IGSF10: variants seen among roughly 807,000 people sequenced by gnomAD.
The protein encoded by IGSF10 is immunoglobulin superfamily member 10.
IGSF10 carries 126 observed loss-of-function variants against 128.2 expected under a neutral mutation model. That is an observed-to-expected ratio of 0.98 (90% CI 0.85 to 1.14). The LOEUF is 1.14. IGSF10 is among the 50% of genes most tolerant of loss of function. The pLI, the probability that IGSF10 is intolerant of heterozygous loss-of-function variation, is 0.00. For missense variants in IGSF10, 3,295 were observed against 3,149.8 expected (o/e 1.05, Z -1.10); for synonymous variants, 1,185 against 1,146.2 (o/e 1.03, Z -0.68).
the IGSF10 span, among the ~76,000 whole-genome samples, chr3:151,594,491 G>A: frequency 2.0e-5 from 3 of 151,644 alleles, no homozygotes; most frequent in Non-Finnish European, 2.9e-5. Context: ...CCGCCACCAC[G>A]CCCAGCTAAT....
chr3:151,447,766 C>T lies in IGSF10; in HGVS notation c.2215G>A (p.Glu739Lys). 1.2e-6 allele frequency: 2 copies of T among 1,614,116 alleles called. No homozygotes were observed. The highest frequency in any genetic ancestry group is 1.7e-6 in the Non-Finnish European group (2 of 1,180,034). The change falls in exon 6 of 8, where the codon GAG (glutamate) becomes AAG (lysine). Residue 739 changes from glutamate (E) to lysine (K), a missense_variant. Glu to Lys is a moderately conservative substitution (Grantham distance 56, BLOSUM62 1). Transcript: ENST00000282466. Reference protein sequence around the residue: ...RGDSTHRRFRENRRHFPPSAR... With the variant: ...RGDSTHRRFRKNRRHFPPSAR... Reference sequence around the variant, plus strand: ...GAGGGAGGGAAATGCCTCCTATTCTCCCTAAAACGTCGATGTGTTGAATCT... The same window carrying T: ...GAGGGAGGGAAATGCCTCCTATTCTTCCTAAAACGTCGATGTGTTGAATCT...
chr3:151,548,535 T>C, the IGSF10 span, among the ~76,000 whole-genome samples: 14 of 152,218 alleles, frequency 9.2e-5, no homozygotes, highest in Non-Finnish European at 1.8e-4. Context: ...TGCATGACAC[T>C]AATGACTGGA....
chr3:151,508,602 T>C, the IGSF10 span, among the ~76,000 whole-genome samples: 1 of 152,208 alleles, frequency 6.6e-6, no homozygotes, highest in Admixed American at 6.5e-5. Context: ...TGTTTTACAG[T>C]GATCTGTGAT....
chr3:151,534,796 A>AGTGT, the IGSF10 span, among the ~76,000 whole-genome samples: 2,140 of 129,398 alleles, frequency 0.017, 83 homozygotes, highest in East Asian at 0.21. Flanking sequence ...CAGAATTTAA[A>AGTGT]GTGTATGTGT....
Position 151,445,482 on chromosome 3 carries a change from T to C in IGSF10, c.4499A>G (p.Asn1500Ser). 6.2e-7 allele frequency: 1 copy of C among 1,614,172 alleles called. No individual in the cohort carries two copies. The highest frequency in any genetic ancestry group is 8.5e-7 in the Non-Finnish European group (1 of 1,180,030). ...VATPISGLMTNTVVKLHESSR... is the reference protein window; with the variant it reads ...VATPISGLMTSTVVKLHESSR... ...GGATTCGTGCAGCTTGACCACTGTA[T>C]TTGTCATAAGCCCGGAAATGGGAGT... is the stretch of plus-strand genomic sequence containing the variant. The change falls in exon 6 of 8, where the codon AAT becomes AGT. Residue 1500 changes from asparagine to serine, a missense_variant. Asn to Ser is a conservative substitution (Grantham distance 46). Transcript: ENST00000282466.
At chr3:151,472,301 C>T in the IGSF10 span, among the ~76,000 whole-genome samples, 1 of 152,158 alleles carries the variant, frequency 6.6e-6, no homozygotes, top group Admixed American at 6.5e-5. Flanking sequence ...TGCATGTTTT[C>T]TGGTTGGATA....
chr3:151,595,093 T>C, the IGSF10 span, among the ~76,000 whole-genome samples: 1 of 152,090 alleles, frequency 6.6e-6, no homozygotes, highest in Non-Finnish European at 1.5e-5. Context: ...AGAATGGTTA[T>C]TATAAAAAAG....
the IGSF10 span, among the ~76,000 whole-genome samples, chr3:151,471,151 A>G: frequency 6.6e-6 from 1 of 152,112 alleles, no homozygotes; most frequent in Non-Finnish European, 1.5e-5. Context: ...ATGGTTTTAT[A>G]AAGGGGAATT....
the IGSF10 span, among the ~76,000 whole-genome samples, chr3:151,570,384 C>T: frequency 2.0e-5 from 3 of 152,144 alleles, no homozygotes; most frequent in Admixed American, 1.3e-4. Flanking sequence ...CTCCACATCC[C>T]CTCCAGCACC....
the IGSF10 span, among the ~76,000 whole-genome samples, chr3:151,577,636 T>A: frequency 6.6e-6 from 1 of 151,914 alleles, no homozygotes; most frequent in Admixed American, 6.6e-5. Context: ...AAAGCATCAC[T>A]CCTAAACCAA....
chr3:151,464,277 C>G (rs1293140701), upstream of IGSF10, among the ~76,000 whole-genome samples: 1 of 152,062 alleles, frequency 6.6e-6, no homozygotes. Context: ...TTTTGTTACT[C>G]TTTTCTTAAA....
rs778335517 is a variant in IGSF10 at position 151,443,747 on chromosome 3, G to A, written c.5200C>T (p.Leu1734Phe). 1.1e-5 allele frequency: 18 copies of A among 1,614,210 alleles called. No homozygotes were observed. The Admixed American group carries it at 3.0e-4, about 27-fold the overall frequency. ...SASNLFGTDHLHVTLSVVSYP... is the reference protein window; with the variant it reads ...SASNLFGTDHFHVTLSVVSYP... ...GAAACCACAGACAAGGTGACATGAA[G>A]GTGGTCTGTGCCAAACAGATTGGAT... The change falls in exon 7 of 8, where the codon CTT (leucine) becomes TTT (phenylalanine). Residue 1734 changes from leucine (L) to phenylalanine (F), a missense_variant. By Grantham distance (22) the Leu-to-Phe change is conservative. Coordinates refer to ENST00000282466, the MANE Select transcript of IGSF10 (RefSeq NM_178822.5).
rs867454141 is a variant in IGSF10 at position 151,438,010 on chromosome 3, G to A, written c.6551C>T (p.Ser2184Phe). Residue 2184 changes from serine (S) to phenylalanine (F), a missense_variant, in exon 8 of 8, where the codon TCC (serine) becomes TTC (phenylalanine). Transcript: ENST00000282466. ...AAATGTGTACCTATCAATGGAGAAG[G>A]AAATCATGTCATTGGAAGGCAGCAA... ...FWLLPSNDMI[S>F]FSIDRYTFHA... 1 of 1,614,176 alleles carries A rather than the reference G, an allele frequency of 6.2e-7. No homozygotes were observed. The highest frequency in any genetic ancestry group is 8.5e-7 in the Non-Finnish European group (1 of 1,180,020).
chr3:151,470,294 A>C, the IGSF10 span, among the ~76,000 whole-genome samples: 1 of 152,226 alleles, frequency 6.6e-6, no homozygotes, highest in Non-Finnish European at 1.5e-5. Context: ...TTAAGTTTTC[A>C]AGGCAAAAAG....
chr3:151,513,904 C>G, the IGSF10 span, among the ~76,000 whole-genome samples: 24 of 152,122 alleles, frequency 1.6e-4, no homozygotes, highest in Non-Finnish European at 2.2e-4. Context: ...CCTAGGAATC[C>G]AACTTACAAG....
the IGSF10 span, among the ~76,000 whole-genome samples, chr3:151,546,598 T>A: frequency 6.6e-6 from 1 of 151,706 alleles, no homozygotes; most frequent in Non-Finnish European, 1.5e-5. Context: ...CTCAAATCCC[T>A]CCTTGGCTTC....
chr3:151,587,313 G>T, the IGSF10 span, among the ~76,000 whole-genome samples: 1 of 152,046 alleles, frequency 6.6e-6, no homozygotes, highest in Non-Finnish European at 1.5e-5. Flanking sequence ...CATACTGTTT[G>T]GTGGTTTTCT....
At chr3:151,503,281 A>G in the IGSF10 span, among the ~76,000 whole-genome samples, 1 of 152,010 alleles carries the variant, frequency 6.6e-6, no homozygotes, top group African/African-American at 2.4e-5. Context: ...AGTGAGAACA[A>G]GCAGAATGAG....
At chr3:151,552,785 T>A in the IGSF10 span, among the ~76,000 whole-genome samples, 2 of 152,196 alleles carry the variant, frequency 1.3e-5, no homozygotes, top group African/African-American at 4.8e-5. Flanking sequence ...CATGCAGAGA[T>A]AAGCAAAAGC....
Sources: gnomAD v4.1 joint callset for allele counts (sites outside exome capture counted in the v4.1 genomes callset) on GRCh38, gnomAD v4.1.1 for gene constraint, MANE v1.5 for transcripts, NCBI Gene and HGNC (gene_info 2026-07-23, HGNC 2026-07-21) for gene names.